The following FZD3 variants were observed in gnomAD, a reference collection of about 807,000 sequenced individuals.
FZD3 encodes frizzled-3.
A neutral mutation model predicts 60.7 loss-of-function variants in FZD3; 30 were observed. The ratio of observed to expected loss-of-function variants is 0.49; its 90% confidence interval spans 0.37 to 0.67. FZD3 has a LOEUF of 0.67. FZD3 is among the 30% of genes least tolerant of loss of function. The pLI is 0.00. For synonymous variants in FZD3, 246 were observed against 275.2 expected, an observed-to-expected ratio of 0.89 and a Z score of 1.05; for missense variants, 605 against 838.7, an observed-to-expected ratio of 0.72 and a Z score of 3.44.
chr8:28,533,324 A>G (rs1400536499), intron 5 of FZD3, among the ~76,000 whole-genome samples: 3 of 152,056 alleles, frequency 2.0e-5, no homozygotes, highest in African/African-American at 4.8e-5. Context: ...GGCCTGAGCC[A>G]CTGCTCCCAC....
At chr8:28,500,317 G>T (rs1803955572) in intron 2 of FZD3, among the ~76,000 whole-genome samples, 1 of 152,114 alleles carries the variant, frequency 6.6e-6, no homozygotes, top group Non-Finnish European at 1.5e-5. Flanking sequence ...TGCAAGTAAG[G>T]CAAAAGGAAT....
In FZD3 at chr8:28,527,758, C is replaced by T. The variant is rs761404264; in HGVS notation, c.998C>T (p.Ala333Val). Reference protein sequence around the residue: ...AIEKKALLFHASAWGIPGTLT... With the variant: ...AIEKKALLFHVSAWGIPGTLT... ...GAGAAGAAAGCATTGCTGTTTCACG[C>T]CAGTGCATGGGGCATCCCCGGAACT... is the stretch of plus-strand genomic sequence containing the variant. The change falls in exon 5 of 8, where the codon GCC (alanine) becomes GTC (valine). Residue 333 changes from alanine to valine, a missense_variant. Coordinates refer to ENST00000240093, the MANE Select transcript of FZD3 (RefSeq NM_017412.4). The surrounding 1 kb of genome is among the most constrained non-coding windows in gnomAD (Gnocchi z 5.0). 2 of 1,614,110 alleles carry T rather than the reference C, an allele frequency of 1.2e-6. No individual in the cohort carries two copies. The highest frequency in any genetic ancestry group is 8.5e-7 in the Non-Finnish European group (1 of 1,179,980).
intron 5 of FZD3, among the ~76,000 whole-genome samples, chr8:28,536,696 G>T (rs560816700): frequency 6.6e-6 from 1 of 152,030 alleles, no homozygotes; most frequent in Non-Finnish European, 1.5e-5. Context: ...GCGACAGGGA[G>T]ACCCTGTCTC....
chr8:28,502,909 A>G lies in FZD3; in HGVS notation c.-105A>G. 1.5e-6 allele frequency: 1 copy of G among 677,490 alleles called. No homozygotes were observed. Among genetic ancestry groups the G allele is most frequent in the Non-Finnish European group, 2.5e-6 (1 of 396,022 alleles). 42.0% of individuals were successfully genotyped at this position (677,490 alleles called of 1,614,324 possible). On this transcript the variant is annotated 5_prime_UTR_variant, in exon 3 of 8. Coordinates refer to ENST00000240093, the MANE Select transcript of FZD3 (RefSeq NM_017412.4). ...TAACTGTTTGAAGAATTTAACAGTA[A>G]GATACAGAAGAAGTACCTTCGAGCT...
rs1805852289 is a variant in FZD3 at position 28,574,046 on chromosome 8, A to C, written c.*11035A>C. On this transcript the variant is annotated 3_prime_UTR_variant, in exon 8 of 8. Coordinates refer to ENST00000240093, the MANE Select transcript of FZD3 (RefSeq NM_017412.4). The stretch of plus-strand genomic sequence containing the variant: ...TTGTTGGGATGTACAGGGCAAGTGC[A>C]CTTGGTTAGAGCATGAACTGGGAAT... 1 of 152,162 alleles carries C rather than the reference A, an allele frequency of 6.6e-6. No individual in the cohort carries two copies. Among genetic ancestry groups the C allele is most frequent in the South Asian group, 2.1e-4 (1 of 4,836 alleles). The allele number at this position is 152,162 out of a possible 1,614,324, so 9.4% of individuals were successfully genotyped here.
rs886297344 is a variant in FZD3, at chr8:28,567,803, A to T, written c.*4792A>T. ...TATACCAGAGTATGCCTCAAATTTT[A>T]TGTAGTTGAATTTGTAGAACAAATT... On this transcript the variant is annotated 3_prime_UTR_variant, in exon 8 of 8. Transcript: ENST00000240093. 5.9e-5 allele frequency: 9 copies of T among 152,166 alleles called. No homozygotes were observed. Among genetic ancestry groups the T allele is most frequent in the Non-Finnish European group, 7.4e-5 (5 of 68,016 alleles). The allele number at this position is 152,166 out of a possible 1,614,324, so 9.4% of individuals were successfully genotyped here.
chr8:28,565,838 C>T lies in FZD3; in HGVS notation c.*2827C>T, dbSNP rs1805696019. The T allele has an allele frequency of 6.6e-6, 1 of 152,164 alleles. No individual in the cohort carries two copies. The highest frequency in any genetic ancestry group is 1.9e-4 in the East Asian group (1 of 5,188). 9.4% of individuals were successfully genotyped at this position (152,164 alleles called of 1,614,324 possible). A position where few individuals can be genotyped will look rare whatever the true frequency, so the allele number is the denominator to read the frequency against. ...TGAATAAGTCTGGACAGTTTTCCTA[C>T]CATATGTTTAACTTTGATTGGCATA... On this transcript the variant is annotated 3_prime_UTR_variant, in exon 8 of 8. Coordinates refer to ENST00000240093, the MANE Select transcript of FZD3 (RefSeq NM_017412.4).
rs1805648300 is a variant in FZD3, at chr8:28,563,252, A to T, written c.*241A>T. 2.2e-6 allele frequency: 1 copy of T among 454,536 alleles called. No individual in the cohort carries two copies. The highest frequency in any genetic ancestry group is 4.0e-6 in the Non-Finnish European group (1 of 248,228). 28.2% of individuals were successfully genotyped at this position (454,536 alleles called of 1,614,324 possible). A position where few individuals can be genotyped will look rare whatever the true frequency, so the allele number is the denominator to read the frequency against. On this transcript the variant is annotated 3_prime_UTR_variant, in exon 8 of 8. Transcript: ENST00000240093. ...ATTCGTCTTTCTAGGTTATGAAGAGATAATTATTTGTCTGGTAAGCATTTT... is the reference window on the plus strand; with the variant it reads ...ATTCGTCTTTCTAGGTTATGAAGAGTTAATTATTTGTCTGGTAAGCATTTT...
intron 3 of FZD3, among the ~76,000 whole-genome samples, chr8:28,507,838 T>C (rs1804181676): frequency 6.6e-6 from 1 of 151,964 alleles, no homozygotes; most frequent in Non-Finnish European, 1.5e-5. Context: ...TCACAGTGAT[T>C]ATTGAGGCTC....
chr8:28,562,306 A>T (rs945821834), intron 7 of FZD3, among the ~76,000 whole-genome samples: 2 of 146,518 alleles, frequency 1.4e-5, no homozygotes, highest in African/African-American at 5.0e-5. Flanking sequence ...CAGTTTATTC[A>T]TTTTTTTTTT....
chr8:28,527,115 AAAAATAGTTCTCATC>A lies in FZD3; in HGVS notation c.387-31_387-17del. 6.4e-7 allele frequency: 1 copy of A among 1,557,578 alleles called. No homozygotes were observed. Among genetic ancestry groups the A allele is most frequent in the Non-Finnish European group, 8.7e-7 (1 of 1,150,208 alleles). ...GATCGTGATAGATTTCCCCATAAGT[AAAAATAGTTCTCATC>A]TTGTTTTGTTTTTTAGGTTCCCAGA... On this transcript the variant is annotated splice_polypyrimidine_tract_variant and intron_variant, in intron 4 of 7. Coordinates refer to ENST00000240093, the MANE Select transcript of FZD3 (RefSeq NM_017412.4). The surrounding 1 kb of genome is among the most constrained non-coding windows in gnomAD (Gnocchi z 5.0).
intron 4 of FZD3, 25 bp downstream of exon 4, chr8:28,520,859 G>T: frequency 6.9e-7 from 1 of 1,448,742 alleles, no homozygotes; most frequent in African/African-American, 1.4e-5. Context: ...GATTTTCATG[G>T]ATCATTTCTT....
rs537977203 is a variant in FZD3, at chr8:28,529,289, C to T, written c.1404+1125C>T. ...TGTGGTGTCTCCTGTTCATCATTTTCCAGATTTCCTCTTATAAAAGTGCAC... is the reference window on the plus strand; with the variant it reads ...TGTGGTGTCTCCTGTTCATCATTTTTCAGATTTCCTCTTATAAAAGTGCAC... On this transcript the variant is annotated intron_variant, in intron 5 of 7. Transcript: ENST00000240093. 1.8e-3 allele frequency among the ~76,000 whole-genome samples: 276 copies of T among 152,214 alleles called. 6 individuals carry two copies. The highest frequency in any genetic ancestry group is 6.5e-3 in the African/African-American group (268 of 41,528).
intron 4 of FZD3, among the ~76,000 whole-genome samples, chr8:28,521,122 A>G (rs1350295530): frequency 1.3e-5 from 2 of 152,148 alleles, no homozygotes. Context: ...TTATGAAAAT[A>G]GTGCTATTTG....
At chr8:28,517,311 T>C (rs1321937847) in intron 3 of FZD3, among the ~76,000 whole-genome samples, 1 of 152,242 alleles carries the variant, frequency 6.6e-6, no homozygotes, top group Admixed American at 6.5e-5. Flanking sequence ...AAAGTTACTG[T>C]CGCCTCCTTG....
In FZD3 at chr8:28,567,215, A is replaced by G. The variant is rs1805720381; in HGVS notation, c.*4204A>G. The G allele has an allele frequency of 6.6e-6, 1 of 152,580 alleles. No homozygotes were observed. Among genetic ancestry groups the G allele is most frequent in the Non-Finnish European group, 1.5e-5 (1 of 68,394 alleles). The allele number at this position is 152,580 out of a possible 1,614,324, so 9.5% of individuals were successfully genotyped here. ...GTTGCCCAGGCTGGAGTGCAGTGGC[A>G]CAATCTCAGCTCACTGCAACCTCCA... On this transcript the variant is annotated 3_prime_UTR_variant, in exon 8 of 8. Coordinates refer to ENST00000240093, the MANE Select transcript of FZD3 (RefSeq NM_017412.4).
chr8:28,531,950 A>AT (rs1051060425), intron 5 of FZD3, among the ~76,000 whole-genome samples: 1 of 151,794 alleles, frequency 6.6e-6, no homozygotes, highest in Non-Finnish European at 1.5e-5. Flanking sequence ...GGCCTGCTGT[A>AT]TTTTTTCTAG....
chr8:28,527,583 T>C lies in FZD3; in HGVS notation c.823T>C (p.Ser275Pro), dbSNP rs1025841424. The change falls in exon 5 of 8, where the codon TCC becomes CCC. Residue 275 changes from serine to proline, a missense_variant. Physicochemically the swap from Ser to Pro is moderately conservative, Grantham distance 74. Coordinates refer to ENST00000240093, the MANE Select transcript of FZD3 (RefSeq NM_017412.4). This position sits in a 1 kb window ranked among gnomAD's most constrained non-coding sequence, Gnocchi z 5.0. Reference sequence around the variant, plus strand: ...ATCCATCCCTGCACAATATAAGGCTTCCACAGTGACACAAGGATCTCATAA... The same window carrying C: ...ATCCATCCCTGCACAATATAAGGCTCCCACAGTGACACAAGGATCTCATAA... Reference protein sequence around the residue: ...NASIPAQYKASTVTQGSHNKA... With the variant: ...NASIPAQYKAPTVTQGSHNKA... 1.2e-6 allele frequency: 2 copies of C among 1,613,860 alleles called. No homozygotes were observed. Among genetic ancestry groups the C allele is most frequent in the African/African-American group, 2.7e-5 (2 of 74,934 alleles).
chr8:28,527,262 G>T lies in FZD3; in HGVS notation c.502G>T (p.Glu168Ter), dbSNP rs762771274. 2 of 1,614,008 alleles carry T rather than the reference G, an allele frequency of 1.2e-6. No homozygotes were observed. Among genetic ancestry groups the T allele is most frequent in the South Asian group, 2.2e-5 (2 of 91,078 alleles). Residue 168 changes from glutamate (E) to a stop codon, truncating the protein, a stop_gained, in exon 5 of 8, where the codon GAG becomes TAG. Coordinates refer to ENST00000240093, the MANE Select transcript of FZD3 (RefSeq NM_017412.4). LOFTEE classifies it high-confidence loss of function. The surrounding 1 kb of genome is among the most constrained non-coding windows in gnomAD (Gnocchi z 5.0). ...QRDYGFWCPRELKIDPDLGYS... is the reference protein window; with the variant it reads ...QRDYGFWCPR Reference sequence around the variant, plus strand: ...AGACTATGGTTTTTGGTGTCCCCGAGAGTTAAAAATTGATCCTGATCTGGG... The same window carrying T: ...AGACTATGGTTTTTGGTGTCCCCGATAGTTAAAAATTGATCCTGATCTGGG...
Sources: gnomAD v4.1 joint callset for allele counts (sites outside exome capture counted in the v4.1 genomes callset) on GRCh38, gnomAD v4.1.1 for gene constraint, Gnocchi (gnomAD v3.1) non-coding constraint, MANE v1.5 for transcripts, NCBI Gene and HGNC (gene_info 2026-07-23, HGNC 2026-07-21) for gene names.